The following TENM2 variants were observed in gnomAD, a reference collection of about 807,000 sequenced individuals.
The protein encoded by TENM2 is teneurin-2.
TENM2 carries 52 observed loss-of-function variants against 245.2 expected under a neutral mutation model. The observed-to-expected ratio is 0.21, with a 90% CI of 0.17 to 0.27. The LOEUF (loss-of-function observed/expected upper bound fraction) is 0.27, where lower values mean the gene tolerates loss of function less well. Among genes scored for constraint, TENM2 ranks in the 10% least tolerant of loss-of-function variants. The pLI is 1.00. For missense variants in TENM2, 3,046 were observed against 3,666.8 expected (o/e 0.83, Z 4.37); for synonymous variants, 1,363 against 1,438.9 (o/e 0.95, Z 1.19).
chr5:167,665,763 G>GT (rs1404800086), intron 2 of TENM2, among the ~76,000 whole-genome samples: 1 of 152,094 alleles, frequency 6.6e-6, no homozygotes, highest in Non-Finnish European at 1.5e-5. Flanking sequence ...AAAATTGAAT[G>GT]TTTATTTTTC....
rs143364641 is a variant in TENM2, at chr5:167,883,838, C to T, written c.712+7643C>T. ...TCAATAGTAATTTTTAAAAGTGTCC[C>T]CAGTCCCTTGTTAGGGATGTCTCAA... is the stretch of plus-strand genomic sequence containing the variant. On this transcript the variant is annotated intron_variant, in intron 3 of 28. Transcript: ENST00000518659. 3.6e-3 allele frequency among the ~76,000 whole-genome samples: 554 copies of T among 152,248 alleles called. 4 individuals are homozygous for T. The highest frequency in any genetic ancestry group is 9.2e-3 in the Admixed American group (140 of 15,288).
intron 2 of TENM2, among the ~76,000 whole-genome samples, chr5:167,431,339 G>T (rs1482858877): frequency 6.6e-6 from 1 of 152,114 alleles, no homozygotes; most frequent in Non-Finnish European, 1.5e-5. Context: ...CCATATTTAG[G>T]TTGATAGCAA....
At chr5:168,109,742 C>T (rs1376397614) in intron 9 of TENM2, among the ~76,000 whole-genome samples, 1 of 152,178 alleles carries the variant, frequency 6.6e-6, no homozygotes, top group East Asian at 1.9e-4. Flanking sequence ...GATAAATTGC[C>T]CTTGAACTTT....
At chr5:168,127,888 T>G (rs1795968240) in intron 12 of TENM2, among the ~76,000 whole-genome samples, 1 of 152,210 alleles carries the variant, frequency 6.6e-6, no homozygotes, top group Non-Finnish European at 1.5e-5. Context: ...GTTTGGCCCC[T>G]TGAAGTTACC....
chr5:168,202,708 T>C (rs1287577679), intron 17 of TENM2, among the ~76,000 whole-genome samples: 1 of 151,894 alleles, frequency 6.6e-6, no homozygotes, highest in Non-Finnish European at 1.5e-5. Context: ...AGGAAATACA[T>C]AGAGTTTTTT....
At chr5:167,587,205 C>T (rs1301824796) in intron 2 of TENM2, among the ~76,000 whole-genome samples, 1 of 152,142 alleles carries the variant, frequency 6.6e-6, no homozygotes, top group Non-Finnish European at 1.5e-5. Context: ...GGGTTTTTCC[C>T]CTTTCTTTCT....
chr5:167,675,341 G>C (rs555243513), intron 2 of TENM2, among the ~76,000 whole-genome samples: 3 of 152,214 alleles, frequency 2.0e-5, no homozygotes, highest in Admixed American at 1.3e-4. Flanking sequence ...TTCTCAAGAA[G>C]AGAATCTATT....
chr5:167,538,794 G>A (rs1338659661), intron 2 of TENM2, among the ~76,000 whole-genome samples: 1 of 152,164 alleles, frequency 6.6e-6, no homozygotes, highest in African/African-American at 2.4e-5. Flanking sequence ...GTCATTTGCA[G>A]TTTCCAGCAG....
At chr5:167,965,845 G>C (rs537080885) in intron 4 of TENM2, among the ~76,000 whole-genome samples, 61 of 152,188 alleles carry the variant, frequency 4.0e-4, no homozygotes, top group African/African-American at 1.3e-3. Flanking sequence ...TTTGAACCTG[G>C]GTTGACCTGA....
chr5:167,683,452 C>T (rs6555765), intron 2 of TENM2, among the ~76,000 whole-genome samples: 68,487 of 151,946 alleles, frequency 0.45, 17,621 homozygotes, highest in East Asian at 0.9. Flanking sequence ...ATGTCCACTG[C>T]GCTTATCGTT....
At chr5:167,911,277 A>G (rs1256597485) in intron 3 of TENM2, among the ~76,000 whole-genome samples, 1 of 152,212 alleles carries the variant, frequency 6.6e-6, no homozygotes, top group African/African-American at 2.4e-5. Context: ...CTGTACTCCC[A>G]GCACTTTGGG....
chr5:168,180,162 T>C (rs1384725119), intron 13 of TENM2, among the ~76,000 whole-genome samples: 1 of 152,180 alleles, frequency 6.6e-6, no homozygotes, highest in Non-Finnish European at 1.5e-5. Flanking sequence ...TGGCTGGTCC[T>C]TCCAAGAACA....
chr5:168,141,339 G>T (rs1022996509), intron 12 of TENM2, among the ~76,000 whole-genome samples: 1 of 152,160 alleles, frequency 6.6e-6, no homozygotes, highest in Non-Finnish European at 1.5e-5. Flanking sequence ...CTGCATGCAG[G>T]CATGCCATAA....
chr5:167,432,405 T>C lies in TENM2; in HGVS notation c.502+56932T>C, dbSNP rs940086500. On this transcript the variant is annotated intron_variant, in intron 2 of 28. Coordinates refer to ENST00000518659, the Ensembl canonical transcript of TENM2. ...AGGTAACCCCACTGCATTCTTTTCT[T>C]CTGCTTGTTGTACACTTCACAGTCA... 4.6e-5 allele frequency among the ~76,000 whole-genome samples: 7 copies of C among 151,836 alleles called. 1 individual carries two copies. The highest frequency in any genetic ancestry group is 1.7e-4 in the African/African-American group (7 of 41,194).
At chr5:168,155,094 C>T (rs956787381) in intron 12 of TENM2, among the ~76,000 whole-genome samples, 1 of 152,186 alleles carries the variant, frequency 6.6e-6, no homozygotes, top group African/African-American at 2.4e-5. Flanking sequence ...CAGGGTGATT[C>T]TTTGGCAGCC....
intron 2 of TENM2, among the ~76,000 whole-genome samples, chr5:167,719,784 G>C (rs992635762): frequency 6.6e-6 from 1 of 152,178 alleles, no homozygotes; most frequent in African/African-American, 2.4e-5. Flanking sequence ...ACGTGGGTGA[G>C]TGCTACTAGC....
At chr5:168,150,209 C>T (rs536063001) in intron 12 of TENM2, among the ~76,000 whole-genome samples, 8 of 152,164 alleles carry the variant, frequency 5.3e-5, no homozygotes, top group African/African-American at 1.4e-4. Context: ...AGAAACTACC[C>T]GGTGCATAAT....
At chr5:167,307,296 T>C (rs914755918) in intron 1 of TENM2, among the ~76,000 whole-genome samples, 7 of 152,174 alleles carry the variant, frequency 4.6e-5, no homozygotes, top group South Asian at 2.1e-4. Flanking sequence ...TTTTTGACTG[T>C]TTATCTCTAA....
chr5:168,164,604 C>G, intron 13 of TENM2, among the ~76,000 whole-genome samples: 1 of 152,160 alleles, frequency 6.6e-6, no homozygotes, highest in East Asian at 1.9e-4. Flanking sequence ...AACCTCTGAG[C>G]TGAATTTCCC....
Sources: allele counts gnomAD v4.1 joint callset (sites outside exome capture counted in the v4.1 genomes callset), GRCh38; gene constraint gnomAD v4.1.1; transcripts MANE v1.5; gene names NCBI Gene and HGNC (gene_info 2026-07-23, HGNC 2026-07-21).